MRPS12: variants seen among roughly 807,000 people sequenced by gnomAD.
The protein encoded by MRPS12 is small ribosomal subunit protein uS12m.
In MRPS12, 7 loss-of-function variants were observed where a neutral mutation model predicts 8.4. The observed-to-expected ratio is 0.83, with a 90% CI of 0.47 to 1.56. The LOEUF (loss-of-function observed/expected upper bound fraction) is 1.56, where lower values mean the gene tolerates loss of function less well. MRPS12 is among the 40% of genes most tolerant of loss of function. The pLI is 0.01. For synonymous variants in MRPS12, 84 were observed against 84.1 expected (o/e 1.00, Z 0.01); for missense variants, 200 against 194.1 (o/e 1.03, Z -0.18).
At chr19:38,931,506 G>T (rs1055529653) in intron 2 of MRPS12, 163 bp downstream of exon 2, 1 of 549,516 alleles carries the variant, frequency 1.8e-6, no homozygotes, top group Admixed American at 3.8e-5. Flanking sequence ...GGAAGCAGCT[G>T]CATGGAGGGC....
rs368469692 is a variant in MRPS12 at position 38,932,643 on chromosome 19, C to T, written c.360C>T (p.Gly120=). Residue 120 remains glycine, a synonymous_variant, in exon 3 of 3, where the codon GGC becomes GGT. Transcript: ENST00000308018. ...GCGGCCGCACCCAGGACCTGCCAGGCGTCAAGCTCACCGTTGTGCGTGGCA... is the reference window on the plus strand; with the variant it reads ...GCGGCCGCACCCAGGACCTGCCAGGTGTCAAGCTCACCGTTGTGCGTGGCA... ...VEGGRTQDLP[G]VKLTVVRGKY... is the part of the protein sequence containing the mutation. 11 of 1,613,658 alleles carry T rather than the reference C, an allele frequency of 6.8e-6. No individual in the cohort carries two copies. In the East Asian group the frequency reaches 1.3e-4, roughly 20 times the overall value.
At position 38,931,333 on chromosome 19, in the gene MRPS12, C is replaced by A. The variant is rs1974745571; in HGVS notation, c.39C>A (p.Ser13=). ...WSGLLHGLNT[S]LTCGPALVPR... is the part of the protein sequence containing the mutation. ...GCCTTCTCCATGGCCTCAACACGTCCCTAACTTGTGGTAAGTGGGGGACTT... is the reference window on the plus strand; with the variant it reads ...GCCTTCTCCATGGCCTCAACACGTCACTAACTTGTGGTAAGTGGGGGACTT... Residue 13 remains serine, a synonymous_variant, in exon 2 of 3, where the codon TCC becomes TCA. Transcript: ENST00000308018. 3 of 1,600,058 alleles carry A rather than the reference C, an allele frequency of 1.9e-6. No homozygotes were observed. The highest frequency in any genetic ancestry group is 8.5e-7 in the Non-Finnish European group (1 of 1,173,638).
rs1407490301 is a variant in MRPS12 at position 38,932,464 on chromosome 19, G to A, written c.181G>A (p.Val61Met). 1 of 1,613,430 alleles carries A rather than the reference G, an allele frequency of 6.2e-7. No individual in the cohort carries two copies. Among genetic ancestry groups the A allele is most frequent in the Non-Finnish European group, 8.5e-7 (1 of 1,179,734 alleles). The change falls in exon 3 of 3, where the codon GTG (valine) becomes ATG (methionine). Residue 61 changes from valine to methionine, a missense_variant. Val to Met is a conservative substitution (Grantham distance 21). Coordinates refer to ENST00000308018, the MANE Select transcript of MRPS12 (RefSeq NM_033362.4). ...GGAAGGCCGGCCGCAGCTGAAGGGT[G>A]TGGTCCTGTGCACGTTTACCCGCAA... ...PTEGRPQLKG[V>M]VLCTFTRKPK...
chr19:38,930,983 C>T lies in MRPS12; in HGVS notation c.-35C>T, dbSNP rs1308200016. The T allele has an allele frequency of 1.3e-5, 8 of 604,760 alleles. No individual in the cohort carries two copies. Among genetic ancestry groups the T allele is most frequent in the Non-Finnish European group, 2.3e-5 (8 of 341,536 alleles). 37.5% of individuals were successfully genotyped at this position (604,760 alleles called of 1,614,324 possible). A position where few individuals can be genotyped will look rare whatever the true frequency, so the allele number is the denominator to read the frequency against. On this transcript the variant is annotated 5_prime_UTR_variant, in exon 1 of 3. Coordinates refer to ENST00000308018, the MANE Select transcript of MRPS12 (RefSeq NM_033362.4). ...GGATTCAGCGTGTCCGCGACCTCACCTTTAGGTCCTGTGAGGTCGGTGGAA... is the reference window on the plus strand; with the variant it reads ...GGATTCAGCGTGTCCGCGACCTCACTTTTAGGTCCTGTGAGGTCGGTGGAA...
intron 2 of MRPS12, 32 bp downstream of exon 2, chr19:38,931,375 G>T: frequency 6.4e-7 from 1 of 1,554,592 alleles, no homozygotes; most frequent in Non-Finnish European, 8.7e-7. Context: ...CAGGGACGAG[G>T]CTAGAGGGGG....
At chr19:38,931,236 A>T in intron 1 of MRPS12, 40 bp from the exon 2 acceptor site, 22 of 1,504,608 alleles carry the variant, frequency 1.5e-5, no homozygotes, top group Non-Finnish European at 2.0e-5. Context: ...CGGATCGGTC[A>T]CTTTTTCCTC....
intron 2 of MRPS12, 93 bp downstream of exon 2, chr19:38,931,436 A>G (rs1213960267): frequency 2.4e-6 from 3 of 1,264,798 alleles, no homozygotes; most frequent in African/African-American, 3.1e-5. Flanking sequence ...CCCGAGGGAA[A>G]CGGGGGTGGA....
chr19:38,932,647 A>T lies in MRPS12; in HGVS notation c.364A>T (p.Lys122Ter), dbSNP rs764801320. ...CCGCACCCAGGACCTGCCAGGCGTC[A>T]AGCTCACCGTTGTGCGTGGCAAGTA... ...GGRTQDLPGV[K>*]LTVVRGKYDC... is the part of the protein sequence containing the mutation. Residue 122 changes from lysine (K) to a stop codon, truncating the protein, a stop_gained, in exon 3 of 3, where the codon AAG becomes TAG. Coordinates refer to ENST00000308018, the MANE Select transcript of MRPS12 (RefSeq NM_033362.4). LOFTEE classifies it high-confidence loss of function. 1 of 1,613,790 alleles carries T rather than the reference A, an allele frequency of 6.2e-7. No homozygotes were observed. The highest frequency in any genetic ancestry group is 8.5e-7 in the Non-Finnish European group (1 of 1,180,014).
Position 38,933,007 on chromosome 19 carries a change from G to T in MRPS12, c.*307G>T. On this transcript the variant is annotated 3_prime_UTR_variant, in exon 3 of 3. Transcript: ENST00000308018. ...GGGGTTTTAATAAACAGACCCTGGCGCTTGTGATGTAAATCCCCTTGTGGA... is the reference window on the plus strand; with the variant it reads ...GGGGTTTTAATAAACAGACCCTGGCTCTTGTGATGTAAATCCCCTTGTGGA... 1 of 322,568 alleles carries T rather than the reference G, an allele frequency of 3.1e-6. No homozygotes were observed. The allele number at this position is 322,568 out of a possible 1,614,324, so 20.0% of individuals were successfully genotyped here.
chr19:38,931,339 T>C lies in MRPS12; in HGVS notation c.45T>C (p.Thr15=). 6.3e-7 allele frequency: 1 copy of C among 1,597,628 alleles called. No individual in the cohort carries two copies. Among genetic ancestry groups the C allele is most frequent in the Non-Finnish European group, 8.5e-7 (1 of 1,172,338 alleles). ...TCCATGGCCTCAACACGTCCCTAAC[T>C]TGTGGTAAGTGGGGGACTTGGGCTT... is the stretch of plus-strand genomic sequence containing the variant. ...GLLHGLNTSL[T]CGPALVPRLW... Residue 15 remains threonine (T), a synonymous_variant, in exon 2 of 3, where the codon ACT becomes ACC. Transcript: ENST00000308018.
At chr19:38,931,580 C>T (rs1974751237) in intron 2 of MRPS12, 1 of 376,338 alleles carries the variant, frequency 2.7e-6, no homozygotes, top group African/African-American at 2.1e-5. Flanking sequence ...CTCCCTCTGT[C>T]GCCCAGGCTG....
chr19:38,931,111 G>A, intron 1 of MRPS12, 113 bp downstream of exon 1: 1 of 680,286 alleles, frequency 1.5e-6, no homozygotes, highest in Non-Finnish European at 2.6e-6. Flanking sequence ...TCAGAGCGAG[G>A]CTAAATTTAC....
rs368918274 is a variant in MRPS12 at position 38,931,072 on chromosome 19, C to T, written c.-20+74C>T. 73 of 608,190 alleles carry T rather than the reference C, an allele frequency of 1.2e-4. No homozygotes were observed. Among genetic ancestry groups the T allele is most frequent in the East Asian group, 8.0e-4 (29 of 36,330 alleles). 37.7% of individuals were successfully genotyped at this position (608,190 alleles called of 1,614,324 possible). A position where few individuals can be genotyped will look rare whatever the true frequency, so the allele number is the denominator to read the frequency against. ...TTTCCCAGTTCTTCCTGCGTGCGGG[C>T]GAGAGTGGTTGGGCCCTCGGGAACC... On this transcript the variant is annotated intron_variant, in intron 1 of 2. Coordinates refer to ENST00000308018, the MANE Select transcript of MRPS12 (RefSeq NM_033362.4).
At position 38,932,738 on chromosome 19, in the gene MRPS12, C is replaced by A; in HGVS notation, c.*38C>A. 1 of 1,594,770 alleles carries A rather than the reference C, an allele frequency of 6.3e-7. No individual in the cohort carries two copies. The highest frequency in any genetic ancestry group is 1.1e-5 in the South Asian group (1 of 89,852). ...CAGTGGGCTGGGCGCCCCTGCAGAA[C>A]ATGAACCTTCCGCTCCTGGCTGCCA... On this transcript the variant is annotated 3_prime_UTR_variant, in exon 3 of 3. Transcript: ENST00000308018.
chr19:38,932,765 A>AT lies in MRPS12; in HGVS notation c.*65_*66insT. 1 of 1,568,592 alleles carries AT rather than the reference A, an allele frequency of 6.4e-7. No individual in the cohort carries two copies. The highest frequency in any genetic ancestry group is 1.2e-5 in the South Asian group (1 of 86,074). Reference sequence around the variant, plus strand: ...TGAACCTTCCGCTCCTGGCTGCCACAGGGTCCTCCGATGCTGGCCTTTGCG... The same window carrying AT: ...TGAACCTTCCGCTCCTGGCTGCCACATGGGTCCTCCGATGCTGGCCTTTGCG... On this transcript the variant is annotated 3_prime_UTR_variant, in exon 3 of 3. Transcript: ENST00000308018.
intron 1 of MRPS12, 84 bp downstream of exon 1, chr19:38,931,082 TG>T: frequency 1.6e-6 from 1 of 619,006 alleles, no homozygotes. Flanking sequence ...CGAGAGTGGT[TG>T]GGCCCTCGGG....
chr19:38,932,072 G>A (rs1325073523), intron 2 of MRPS12, among the ~76,000 whole-genome samples: 1 of 150,252 alleles, frequency 6.7e-6, no homozygotes, highest in Non-Finnish European at 1.5e-5. Flanking sequence ...GGAGGCAGAG[G>A]TTGCAGTGGG....
At position 38,930,950 on chromosome 19, in the gene MRPS12, T is replaced by C. The variant is rs1974734929; in HGVS notation, c.-68T>C. The C allele has an allele frequency of 3.1e-6, 2 of 637,390 alleles. No individual in the cohort carries two copies. Among genetic ancestry groups the C allele is most frequent in the Admixed American group, 5.5e-5 (2 of 36,258 alleles). The allele number at this position is 637,390 out of a possible 1,614,324, so 39.5% of individuals were successfully genotyped here. A position where few individuals can be genotyped will look rare whatever the true frequency, so the allele number is the denominator to read the frequency against. ...TGCACGGATAGCGCCCGGAAGAGGC[T>C]AGAAGCTGGATTCAGCGTGTCCGCG... is the stretch of plus-strand genomic sequence containing the variant. On this transcript the variant is annotated 5_prime_UTR_variant, in exon 1 of 3. Coordinates refer to ENST00000308018, the MANE Select transcript of MRPS12 (RefSeq NM_033362.4).
At chr19:38,932,145 AAAG>A (rs1348264048) in intron 2 of MRPS12, among the ~76,000 whole-genome samples, 185 bp from the exon 3 acceptor site, 1 of 151,080 alleles carries the variant, frequency 6.6e-6, no homozygotes, top group African/African-American at 2.5e-5. Flanking sequence ...CAAAAAAAAA[AAAG>A]AAAAAAAAAA....
Sources: gnomAD v4.1 joint callset for allele counts (sites outside exome capture counted in the v4.1 genomes callset) on GRCh38, gnomAD v4.1.1 for gene constraint, MANE v1.5 for transcripts, NCBI Gene and HGNC (gene_info 2026-07-23, HGNC 2026-07-21) for gene names.